The following INTS6 variants were observed in gnomAD, a reference collection of about 807,000 sequenced individuals.
The protein encoded by INTS6 is DEAD box protein.
A neutral mutation model predicts 104.9 loss-of-function variants in INTS6; 16 were observed. The observed-to-expected ratio is 0.15, with a 90% CI of 0.10 to 0.23. INTS6 has a LOEUF of 0.23. INTS6 is among the 10% of genes least tolerant of loss of function. The pLI is 1.00. For missense variants in INTS6, 584 were observed against 1,062.8 expected, an observed-to-expected ratio of 0.55 and a Z score of 6.26; for synonymous variants, 324 against 358.7, an observed-to-expected ratio of 0.90 and a Z score of 1.09.
the INTS6 span, among the ~76,000 whole-genome samples, chr13:51,338,596 C>G: frequency 6.6e-6 from 1 of 152,110 alleles, no homozygotes; most frequent in Admixed American, 6.5e-5. Flanking sequence ...TCTCTGGGTG[C>G]TATAGAATAA....
chr13:51,395,518 C>T (rs1470895095), intron 4 of INTS6, 35 bp from the exon 5 acceptor site: 2 of 1,562,892 alleles, frequency 1.3e-6, no homozygotes, highest in Non-Finnish European at 1.7e-6. Flanking sequence ...AATAAGAATT[C>T]CACAGACTAT....
At chr13:51,446,423 T>C (rs1952919699) in intron 3 of INTS6, 1 of 152,092 alleles carries the variant, frequency 6.6e-6, no homozygotes, top group Non-Finnish European at 1.5e-5. Context: ...AGTGAAGATA[T>C]AAAGAAAGTG....
chr13:51,338,632 T>G, the INTS6 span, among the ~76,000 whole-genome samples: 1 of 152,216 alleles, frequency 6.6e-6, no homozygotes, highest in South Asian at 2.1e-4. Context: ...TCTCCTTTCA[T>G]ACTATGGCTT....
chr13:51,382,929 T>C (rs2137919264), intron 9 of INTS6, among the ~76,000 whole-genome samples: 1 of 152,186 alleles, frequency 6.6e-6, no homozygotes, highest in Non-Finnish European at 1.5e-5. Flanking sequence ...ATAAAAAACT[T>C]AGCTAGGCAT....
At chr13:51,375,734 GGTGTGTGTGTGTGTGTGTGTGT>G (rs71684515) in intron 13 of INTS6, among the ~76,000 whole-genome samples, 1 of 147,560 alleles carries the variant, frequency 6.8e-6, no homozygotes, top group Non-Finnish European at 1.5e-5. Flanking sequence ...TTGATAAGTG[GGTGTGTGTGTGTGTGTGTGTGT>G]GTGTGTGTGT....
rs150478548 is a variant in INTS6 at position 51,364,333 on chromosome 13, C to T, written c.*1419G>A. On this transcript the variant is annotated 3_prime_UTR_variant, in exon 18 of 18. Coordinates refer to ENST00000311234, the MANE Select transcript of INTS6 (RefSeq NM_012141.3). ...GCTTTTCTTCATAAAGTTATAATTT[C>T]ATTTTGCTATACCCTTGAAATTTAA... The T allele has an allele frequency of 6.4e-3, 6,886 of 1,077,696 alleles. 30 individuals are homozygous for T. Among genetic ancestry groups the T allele is most frequent in the Non-Finnish European group, 7.2e-3 (5,404 of 754,566 alleles). 66.8% of individuals were successfully genotyped at this position (1,077,696 alleles called of 1,614,324 possible). A position where few individuals can be genotyped will look rare whatever the true frequency, so the allele number is the denominator to read the frequency against.
rs1234010620 is a variant in INTS6 at position 51,364,998 on chromosome 13, A to C, written c.*754T>G. ...CTGCCCCATACAAAGTCATTCCCAT[A>C]ATCTAGGCAGAAATGGGAGTATGTT... On this transcript the variant is annotated 3_prime_UTR_variant, in exon 18 of 18. Transcript: ENST00000311234. The C allele has an allele frequency of 6.6e-6, 1 of 152,530 alleles. No individual in the cohort carries two copies. The highest frequency in any genetic ancestry group is 1.5e-5 in the Non-Finnish European group (1 of 67,986). 9.4% of individuals were successfully genotyped at this position (152,530 alleles called of 1,614,324 possible).
intron 15 of INTS6, among the ~76,000 whole-genome samples, chr13:51,369,650 C>T (rs1236879070): frequency 3.3e-5 from 5 of 152,154 alleles, no homozygotes; most frequent in African/African-American, 7.2e-5. Context: ...AAAATTATCA[C>T]GGTCATCTAT....
intron 6 of INTS6, among the ~76,000 whole-genome samples, chr13:51,388,402 T>C (rs1956182083): frequency 6.6e-6 from 1 of 151,026 alleles, no homozygotes; most frequent in Non-Finnish European, 1.5e-5. Context: ...TTTGTTTTTC[T>C]TTTTTTTTGA....
chr13:51,404,103 C>CACACACACACACACACAGAG (rs1491389220), intron 4 of INTS6, among the ~76,000 whole-genome samples: 2 of 103,952 alleles, frequency 1.9e-5, no homozygotes, highest in East Asian at 2.8e-4. Context: ...CACACACACA[C>CACACACACACACACACAGAG]AGAGAGAGAG....
At chr13:51,360,379 C>T (rs1955554013), downstream of INTS6, among the ~76,000 whole-genome samples, 1 of 152,012 alleles carries the variant, frequency 6.6e-6, no homozygotes, top group African/African-American at 2.4e-5. Flanking sequence ...CTCTGCTTTT[C>T]AAATGTGTGA....
At chr13:51,391,749 A>C (rs1306515684) in intron 5 of INTS6, among the ~76,000 whole-genome samples, 2 of 152,222 alleles carry the variant, frequency 1.3e-5, no homozygotes, top group African/African-American at 2.4e-5. Context: ...AATAGAGAAG[A>C]AGCAAATGAA....
chr13:51,373,202 GT>G (rs201482941), intron 15 of INTS6, among the ~76,000 whole-genome samples: 6,874 of 139,176 alleles, frequency 0.049, 186 homozygotes, highest in South Asian at 0.11. Context: ...TTGGTGTTTG[GT>G]TTTTTTTTTT....
the INTS6 span, chr13:51,346,965 G>A: frequency 7.0e-6 from 9 of 1,279,716 alleles, no homozygotes; most frequent in African/African-American, 1.3e-4. Context: ...CACACACACT[G>A]GGTTCGGTTC....
Position 51,379,637 on chromosome 13 carries a change from GTC to G in INTS6, c.1276-67_1276-66del, listed in dbSNP as rs1161185353. 6.9e-6 allele frequency: 6 copies of G among 873,466 alleles called. No individual in the cohort carries two copies. The African/African-American group carries it at 8.7e-5, about 13-fold the overall frequency. The allele number at this position is 873,466 out of a possible 1,614,324, so 54.1% of individuals were successfully genotyped here. On this transcript the variant is annotated intron_variant, in intron 10 of 17. Coordinates refer to ENST00000311234, the MANE Select transcript of INTS6 (RefSeq NM_012141.3). ...TTAAAAACTTATGGTTCCATGTATAGTCTGTCTTAAAATTTTCTCCAAAAAAT... is the reference window on the plus strand; with the variant it reads ...TTAAAAACTTATGGTTCCATGTATAGTGTCTTAAAATTTTCTCCAAAAAAT...
At chr13:51,418,371 G>GA (rs199960245) in intron 4 of INTS6, among the ~76,000 whole-genome samples, 38 of 143,838 alleles carry the variant, frequency 2.6e-4, no homozygotes, top group South Asian at 6.5e-4. Flanking sequence ...ATATTTCCTT[G>GA]AAAAAAAAAA....
intron 4 of INTS6, 70 bp downstream of exon 4, chr13:51,430,224 C>G (rs1466460790): frequency 7.8e-7 from 1 of 1,282,866 alleles, no homozygotes; most frequent in African/African-American, 1.5e-5. Flanking sequence ...TAAAGGTGTT[C>G]AGTATCCTAC....
chr13:51,379,579 G>GA lies in INTS6; in HGVS notation c.1276-8dup. On this transcript the variant is annotated splice_region_variant and splice_polypyrimidine_tract_variant and intron_variant, in intron 10 of 17. Transcript: ENST00000311234. ...TAACAGCTTTCTTCAAGGGCTATAG[G>GA]AAAAAAGAAAACATCATTCAATATT... The GA allele has an allele frequency of 1.3e-6, 2 of 1,481,712 alleles. No individual in the cohort carries two copies. Among genetic ancestry groups the GA allele is most frequent in the East Asian group, 2.3e-5 (1 of 42,666 alleles). 91.8% of individuals were successfully genotyped at this position (1,481,712 alleles called of 1,614,324 possible).
intron 3 of INTS6, chr13:51,449,152 G>A (rs1952983603): frequency 6.6e-6 from 1 of 152,142 alleles, no homozygotes; most frequent in African/African-American, 2.4e-5. Context: ...TAATGCTAGT[G>A]TCATTTTTAA....
Sources: allele counts gnomAD v4.1 joint callset (sites outside exome capture counted in the v4.1 genomes callset), GRCh38; gene constraint gnomAD v4.1.1; transcripts MANE v1.5; gene names NCBI Gene and HGNC (gene_info 2026-07-23, HGNC 2026-07-21).